Variants in ME3 observed in about 807,000 individuals in gnomAD.
ME3 encodes NADP-dependent malic enzyme, mitochondrial.
ME3 carries 48 observed loss-of-function variants against 68.9 expected under a neutral mutation model. The observed-to-expected ratio is 0.70, with a 90% CI of 0.55 to 0.89. ME3 has a LOEUF of 0.89. Ranked by LOEUF, ME3 falls within the 40% of genes least tolerant of loss-of-function variation. The pLI is 0.00. For missense variants in ME3, 675 were observed against 797.4 expected (o/e 0.85, Z 1.85); for synonymous variants, 320 against 318.8 (o/e 1.00, Z -0.04).
At chr11:86,664,067 C>T (rs1051777535) in intron 2 of ME3, among the ~76,000 whole-genome samples, 19 of 152,180 alleles carry the variant, frequency 1.2e-4, no homozygotes, top group East Asian at 1.9e-4. Flanking sequence ...TGAAAGGAGA[C>T]GACTTCAGAG....
chr11:86,604,285 C>T (rs1024571693), intron 2 of ME3, among the ~76,000 whole-genome samples: 1 of 151,918 alleles, frequency 6.6e-6, no homozygotes, highest in Non-Finnish European at 1.5e-5. Context: ...CAAAATGGGG[C>T]ATGTCCAGCC....
At position 86,450,823 on chromosome 11, in the gene ME3, A is replaced by G. The variant is rs1308407623; in HGVS notation, c.920-425T>C. ...AATGACCATATGGCCTGAGCTGCCC[A>G]TCTTATCTACCAAGTCATAAGGTTG... On this transcript the variant is annotated intron_variant, in intron 8 of 14. Transcript: ENST00000543262. Among the ~76,000 whole-genome samples, 3 of 152,204 alleles carry G rather than the reference A, an allele frequency of 2.0e-5. No individual in the cohort carries two copies. The East Asian group carries it at 5.8e-4, about 29-fold the overall frequency.
chr11:86,601,298 A>G (rs1288880841), intron 2 of ME3, among the ~76,000 whole-genome samples: 2 of 152,218 alleles, frequency 1.3e-5, no homozygotes, highest in South Asian at 4.1e-4. Context: ...AGAAATACAA[A>G]CTACCATCAG....
chr11:86,503,728 G>A (rs61904398), intron 5 of ME3, among the ~76,000 whole-genome samples: 10,305 of 152,306 alleles, frequency 0.068, 425 homozygotes, highest in Non-Finnish European at 0.095. Flanking sequence ...TCCGCTCTAA[G>A]TATAAACACC....
At chr11:86,588,401 C>T (rs541372093) in intron 2 of ME3, among the ~76,000 whole-genome samples, 2 of 152,340 alleles carry the variant, frequency 1.3e-5, no homozygotes, top group South Asian at 4.1e-4. Context: ...TTCTGGGGCT[C>T]TCACACTGTA....
chr11:86,670,642 G>T (rs1471942076), intron 2 of ME3, among the ~76,000 whole-genome samples: 7 of 152,062 alleles, frequency 4.6e-5, no homozygotes, highest in African/African-American at 1.7e-4. Context: ...GCTTCTATTA[G>T]TTCTGTAGGA....
intron 2 of ME3, among the ~76,000 whole-genome samples, chr11:86,636,925 A>T (rs1944366342): frequency 6.6e-6 from 1 of 152,210 alleles, no homozygotes; most frequent in Admixed American, 6.5e-5. Flanking sequence ...CTAAAAGCTA[A>T]GCTTTAGGAT....
rs1954670728 is a variant in ME3 at position 86,525,588 on chromosome 11, T to G, written c.468-16721A>C. ...CCTTTAAGAACACACAGAGGCCGGG[T>G]GCAGTGGCTCACGCCTGTAGTCCCA... On this transcript the variant is annotated intron_variant, in intron 4 of 14. Coordinates refer to ENST00000543262, the Ensembl canonical transcript of ME3. 2.7e-5 allele frequency among the ~76,000 whole-genome samples: 4 copies of G among 150,250 alleles called. No homozygotes were observed. The South Asian group carries it at 8.4e-4, about 31-fold the overall frequency.
At chr11:86,498,733 A>T (rs1031328617) in intron 5 of ME3, among the ~76,000 whole-genome samples, 1 of 152,204 alleles carries the variant, frequency 6.6e-6, no homozygotes, top group African/African-American at 2.4e-5. Flanking sequence ...TATGTGCTAG[A>T]TGTAGTGCTA....
At chr11:86,453,348 T>C (rs899441578) in intron 8 of ME3, among the ~76,000 whole-genome samples, 16 of 152,236 alleles carry the variant, frequency 1.1e-4, no homozygotes, top group Admixed American at 4.6e-4. Flanking sequence ...ACAGTGTATA[T>C]GGATGCTGGG....
At chr11:86,606,706 C>T (rs534422165) in intron 2 of ME3, among the ~76,000 whole-genome samples, 1 of 152,298 alleles carries the variant, frequency 6.6e-6, no homozygotes, top group East Asian at 1.9e-4. Flanking sequence ...GCTTATAACT[C>T]TCCCAGTACA....
intron 5 of ME3, 104 bp from the exon 6 acceptor site, chr11:86,498,228 G>A: frequency 3.7e-6 from 5 of 1,348,972 alleles, no homozygotes; most frequent in Non-Finnish European, 5.0e-6. Flanking sequence ...GATGCCCACT[G>A]ACTTTGCCGG....
intron 4 of ME3, among the ~76,000 whole-genome samples, chr11:86,520,598 G>A (rs1024757745): frequency 1.3e-5 from 2 of 152,082 alleles, no homozygotes; most frequent in East Asian, 3.9e-4. Flanking sequence ...CCCTTCTAGG[G>A]CCCCTTGGCC....
intron 2 of ME3, among the ~76,000 whole-genome samples, chr11:86,627,376 T>C (rs770115935): frequency 6.6e-5 from 10 of 152,234 alleles, no homozygotes; most frequent in African/African-American, 9.6e-5. Context: ...GGACTGTTGC[T>C]GGATTTCCGA....
chr11:86,556,673 C>T (rs1366280240), exon 4 of ME3: 4 of 1,613,942 alleles, frequency 2.5e-6, no homozygotes, highest in Admixed American at 1.7e-5. Flanking sequence ...CTTCTCGTTC[C>T]GGTCTTGGAG....
intron 5 of ME3, among the ~76,000 whole-genome samples, chr11:86,501,301 A>G (rs972685151): frequency 6.6e-6 from 1 of 152,160 alleles, no homozygotes; most frequent in African/African-American, 2.4e-5. Flanking sequence ...TGCTCTTATG[A>G]CTGTAATGAT....
intron 2 of ME3, among the ~76,000 whole-genome samples, chr11:86,619,254 A>C (rs1943193034): frequency 6.6e-6 from 1 of 152,250 alleles, no homozygotes; most frequent in Non-Finnish European, 1.5e-5. Context: ...GTGCAAGAAC[A>C]GCCTAATAAA....
chr11:86,599,082 C>T (rs1015832507), intron 2 of ME3, among the ~76,000 whole-genome samples: 20 of 152,206 alleles, frequency 1.3e-4, no homozygotes, highest in Admixed American at 3.9e-4. Context: ...TCACCAGCAG[C>T]GGAACAAAGC....
chr11:86,490,666 C>T (rs1951947254), intron 6 of ME3, among the ~76,000 whole-genome samples: 1 of 152,194 alleles, frequency 6.6e-6, no homozygotes, highest in Non-Finnish European at 1.5e-5. Context: ...GAAGCACATA[C>T]ATACAGAGCT....
Sources: allele counts gnomAD v4.1 joint callset (sites outside exome capture counted in the v4.1 genomes callset), GRCh38; gene constraint gnomAD v4.1.1; transcripts MANE v1.5; gene names NCBI Gene and HGNC (gene_info 2026-07-23, HGNC 2026-07-21).